The following FBXO11 variants were observed in gnomAD, a reference collection of about 807,000 sequenced individuals.
FBXO11 encodes F-box protein 11, also known as F-box only protein 11.
In FBXO11, 13 loss-of-function variants were observed where a neutral mutation model predicts 117.0. That is an observed-to-expected ratio of 0.11 (90% CI 0.07 to 0.18). The LOEUF (loss-of-function observed/expected upper bound fraction) is 0.18. Ranked by LOEUF, FBXO11 falls within the 10% of genes least tolerant of loss-of-function variation. FBXO11 has a pLI of 1.00. For synonymous variants in FBXO11, 490 were observed against 380.5 expected, an observed-to-expected ratio of 1.29 and a Z score of -3.35; for missense variants, 767 against 1,164.4, an observed-to-expected ratio of 0.66 and a Z score of 4.97.
At chr2:47,845,955 C>A (rs1216258102) in intron 1 of FBXO11, among the ~76,000 whole-genome samples, 1 of 151,720 alleles carries the variant, frequency 6.6e-6, no homozygotes, top group Non-Finnish European at 1.5e-5. Flanking sequence ...AATGCATTTA[C>A]ATGTAGATCC....
chr2:47,826,868 C>T (rs778466622), intron 11 of FBXO11, among the ~76,000 whole-genome samples: 9 of 151,858 alleles, frequency 5.9e-5, no homozygotes, highest in Admixed American at 3.9e-4. Context: ...CAAGTTCAAG[C>T]GATTCTCCTG....
intron 11 of FBXO11, among the ~76,000 whole-genome samples, chr2:47,830,553 AAAAT>A (rs1337674440): frequency 6.6e-6 from 1 of 152,214 alleles, no homozygotes; most frequent in Non-Finnish European, 1.5e-5. Flanking sequence ...TTGCAAAATA[AAAAT>A]AAAAATGATG....
Position 47,808,208 on chromosome 2 carries a change from A to G in FBXO11, c.2694T>C (p.Pro898=), listed in dbSNP as rs756583052. The change falls in exon 23 of 23, where the codon CCT becomes CCC. Residue 898 remains proline (P), a synonymous_variant. Transcript: ENST00000403359. ...GTGTAGGCTCACCAGCTAATGTACAAGGATTAGACAGTGTTCCAGCACCAC... is the reference window on the plus strand; with the variant it reads ...GTGTAGGCTCACCAGCTAATGTACAGGGATTAGACAGTGTTCCAGCACCAC... ...CDCGAGTLSN[P]CTLAGEPTHD... is the part of the protein sequence containing the mutation. 5.0e-6 allele frequency: 8 copies of G among 1,613,514 alleles called. No individual in the cohort carries two copies. The South Asian group carries it at 5.5e-5, about 11-fold the overall frequency.
intron 11 of FBXO11, among the ~76,000 whole-genome samples, chr2:47,826,830 A>T (rs1275417130): frequency 6.6e-6 from 1 of 151,920 alleles, no homozygotes; most frequent in Non-Finnish European, 1.5e-5. Context: ...CAGTGGCCCA[A>T]TCTTGGCTCA....
At chr2:47,816,975 A>C (rs913858150) in intron 16 of FBXO11, among the ~76,000 whole-genome samples, 4 of 152,202 alleles carry the variant, frequency 2.6e-5, no homozygotes, top group African/African-American at 9.7e-5. Flanking sequence ...CCTTAACAAG[A>C]GATCAGCTTG....
At chr2:47,822,569 T>C (rs1671466949) in intron 12 of FBXO11, among the ~76,000 whole-genome samples, 1 of 152,204 alleles carries the variant, frequency 6.6e-6, no homozygotes, top group Admixed American at 6.5e-5. Context: ...TTGATGACTA[T>C]TAACAAGATG....
intron 1 of FBXO11, among the ~76,000 whole-genome samples, chr2:47,845,090 TC>T (rs1477597905): frequency 6.6e-6 from 1 of 152,150 alleles, no homozygotes; most frequent in African/African-American, 2.4e-5. Context: ...AACTCCCTCC[TC>T]CTTTCCTCAC....
chr2:47,809,059 G>A, intron 21 of FBXO11, 99 bp downstream of exon 21: 1 of 687,476 alleles, frequency 1.5e-6, no homozygotes, highest in Non-Finnish European at 2.5e-6. Flanking sequence ...GTTAGTTATA[G>A]TCTCAACACC....
intron 1 of FBXO11, among the ~76,000 whole-genome samples, chr2:47,878,233 C>T (rs1676156580): frequency 6.6e-6 from 1 of 152,326 alleles, no homozygotes; most frequent in East Asian, 1.9e-4. Flanking sequence ...AATCTGTCTA[C>T]CAATATACAG....
intron 1 of FBXO11, among the ~76,000 whole-genome samples, chr2:47,850,478 A>G (rs1366124710): frequency 1.1e-4 from 16 of 152,240 alleles, no homozygotes; most frequent in African/African-American, 3.9e-4. Context: ...CATAGCTATC[A>G]TAATGTACAT....
intron 1 of FBXO11, among the ~76,000 whole-genome samples, chr2:47,871,162 G>C (rs1322368801): frequency 6.6e-6 from 1 of 152,204 alleles, no homozygotes; most frequent in Non-Finnish European, 1.5e-5. Flanking sequence ...AAAAGACACA[G>C]TAGCTACCTG....
chr2:47,809,146 T>C lies in FBXO11; in HGVS notation c.2555+12A>G, dbSNP rs771305535. On this transcript the variant is annotated intron_variant, in intron 21 of 22. Transcript: ENST00000403359. ...TTCCTCTTTTCAGGACTCAAATATA[T>C]TTCTAAGTTACCTGTAGAAATCATG... is the stretch of plus-strand genomic sequence containing the variant. 1.0e-5 allele frequency: 15 copies of C among 1,479,592 alleles called. No homozygotes were observed. The highest frequency in any genetic ancestry group is 7.4e-6 in the Non-Finnish European group (8 of 1,075,482). 91.7% of individuals were successfully genotyped at this position (1,479,592 alleles called of 1,614,324 possible).
rs1453710377 is a variant in FBXO11, at chr2:47,906,444, G to A, written c.-724C>T. Among the ~76,000 whole-genome samples, 1 of 152,086 alleles carries A rather than the reference G, an allele frequency of 6.6e-6. No homozygotes were observed. Among genetic ancestry groups the A allele is most frequent in the African/African-American group, 2.4e-5 (1 of 41,428 alleles). On this transcript the variant is annotated 5_prime_UTR_variant, in exon 1 of 23. An upstream open reading frame in the 5' UTR gains an earlier in-frame stop. Transcript: ENST00000403359. ...CGTCAGCCCTGTCGCCGCTGCTTCT[G>A]CTGCTGCTCCGTGGCAGGAGGAGCC...
chr2:47,812,852 C>G (rs963396434), intron 18 of FBXO11: 1 of 251,882 alleles, frequency 4.0e-6, no homozygotes, highest in Non-Finnish European at 7.8e-6. Flanking sequence ...AAAACAGTTA[C>G]AAAAGCAATA....
At chr2:47,872,566 C>T (rs1458110904) in intron 1 of FBXO11, among the ~76,000 whole-genome samples, 6 of 152,174 alleles carry the variant, frequency 3.9e-5, no homozygotes, top group Non-Finnish European at 7.4e-5. Context: ...TCAGGTGATC[C>T]GCGTGCCTCG....
intron 4 of FBXO11, 40 bp downstream of exon 4, chr2:47,838,819 T>C: frequency 6.3e-7 from 1 of 1,582,988 alleles, no homozygotes; most frequent in African/African-American, 1.3e-5. Context: ...GGGCAACAAA[T>C]AACATATCTC....
chr2:47,857,492 T>C (rs747202260), intron 1 of FBXO11, among the ~76,000 whole-genome samples: 2 of 152,058 alleles, frequency 1.3e-5, no homozygotes, highest in African/African-American at 2.4e-5. Context: ...GTGAGACAAG[T>C]AAAGACTACA....
intron 1 of FBXO11, among the ~76,000 whole-genome samples, chr2:47,884,404 TGTCA>T (rs1315122276): frequency 2.6e-5 from 4 of 152,194 alleles, no homozygotes; most frequent in Non-Finnish European, 5.9e-5. Context: ...AACCCCTTAC[TGTCA>T]GTAAGTATAT....
At chr2:47,855,814 A>C (rs527296347) in intron 1 of FBXO11, among the ~76,000 whole-genome samples, 2 of 151,942 alleles carry the variant, frequency 1.3e-5, no homozygotes, top group South Asian at 4.2e-4. Context: ...CCTGGGCAAC[A>C]AGAGCGAAAC....
Sources: allele counts gnomAD v4.1 joint callset (sites outside exome capture counted in the v4.1 genomes callset), GRCh38; gene constraint gnomAD v4.1.1; transcripts MANE v1.5; gene names NCBI Gene and HGNC (gene_info 2026-07-23, HGNC 2026-07-21).